Variants in EDIL3 observed in about 807,000 individuals in gnomAD.
The protein encoded by EDIL3 is EGF like and discoidin domains 3.
EDIL3 carries 37 observed loss-of-function variants against 67.4 expected under a neutral mutation model. The observed-to-expected ratio is 0.55, with a 90% CI of 0.42 to 0.72. The LOEUF (loss-of-function observed/expected upper bound fraction) is 0.72, where lower values mean the gene tolerates loss of function less well. EDIL3 is among the 30% of genes least tolerant of loss of function. The probability of loss-of-function intolerance (pLI) is 0.00; values close to 1 mark genes in which losing one functional copy is unlikely to be tolerated. For synonymous variants in EDIL3, 195 were observed against 196.3 expected, an observed-to-expected ratio of 0.99 and a Z score of 0.05; for missense variants, 527 against 586.3, an observed-to-expected ratio of 0.90 and a Z score of 1.04.
intron 10 of EDIL3, among the ~76,000 whole-genome samples, chr5:83,961,586 G>A (rs575280400): frequency 3.3e-5 from 5 of 151,008 alleles, no homozygotes; most frequent in East Asian, 3.9e-4. Flanking sequence ...TATAATAGAC[G>A]TGCTGTTTAC....
At chr5:84,283,920 T>C (rs958935022) in intron 1 of EDIL3, among the ~76,000 whole-genome samples, 2 of 152,044 alleles carry the variant, frequency 1.3e-5, no homozygotes, top group Non-Finnish European at 2.9e-5. Flanking sequence ...CATCCAGCTG[T>C]ACAGGACCAG....
intron 2 of EDIL3, among the ~76,000 whole-genome samples, chr5:84,231,671 G>T (rs1049079564): frequency 3.3e-5 from 5 of 152,152 alleles, no homozygotes; most frequent in Non-Finnish European, 7.4e-5. Context: ...TAAAGAAATG[G>T]AGAGAGCAAA....
intron 1 of EDIL3, among the ~76,000 whole-genome samples, chr5:84,358,643 A>G (rs2055382): frequency 0.45 from 58,998 of 130,130 alleles, 12,925 homozygotes; most frequent in Middle Eastern, 0.58. Context: ...TTGCTCTATC[A>G]CCCAGGCTGG....
intron 9 of EDIL3, among the ~76,000 whole-genome samples, chr5:84,059,514 G>C (rs899622309): frequency 5.9e-5 from 9 of 152,066 alleles, no homozygotes; most frequent in Non-Finnish European, 1.3e-4. Flanking sequence ...TGATAGGGGT[G>C]GAATTTGCTA....
chr5:83,946,466 C>T (rs1744311758), intron 10 of EDIL3, among the ~76,000 whole-genome samples: 1 of 151,852 alleles, frequency 6.6e-6, no homozygotes, highest in Non-Finnish European at 1.5e-5. Context: ...AAATACAACT[C>T]CCTCAATGTA....
chr5:84,325,143 AT>A (rs957200685), intron 1 of EDIL3, among the ~76,000 whole-genome samples: 6 of 151,922 alleles, frequency 3.9e-5, no homozygotes, highest in African/African-American at 1.4e-4. Flanking sequence ...GAACTACATG[AT>A]TTTTTTTAAT....
intron 9 of EDIL3, among the ~76,000 whole-genome samples, chr5:84,030,798 C>T (rs758090695): frequency 3.9e-5 from 6 of 152,120 alleles, no homozygotes; most frequent in African/African-American, 4.8e-5. Flanking sequence ...CAACCTTGAC[C>T]GTTTTCAGAT....
chr5:84,050,465 T>A (rs911886945), intron 9 of EDIL3, among the ~76,000 whole-genome samples: 3 of 152,106 alleles, frequency 2.0e-5, no homozygotes, highest in African/African-American at 4.8e-5. Context: ...AGACAGTGGG[T>A]ACAGGACAGT....
chr5:83,982,406 T>C (rs1744985567), intron 9 of EDIL3, among the ~76,000 whole-genome samples: 2 of 152,116 alleles, frequency 1.3e-5, no homozygotes, highest in South Asian at 4.1e-4. Flanking sequence ...AATAGCCTCT[T>C]TCTATTTCCT....
chr5:84,074,703 G>A (rs1486728955), intron 6 of EDIL3, among the ~76,000 whole-genome samples: 5 of 151,878 alleles, frequency 3.3e-5, no homozygotes, highest in Admixed American at 2.0e-4. Context: ...GAAACAACAG[G>A]TGCTGGAGAG....
At chr5:83,987,422 A>G (rs1332204677) in intron 9 of EDIL3, among the ~76,000 whole-genome samples, 1 of 152,172 alleles carries the variant, frequency 6.6e-6, no homozygotes, top group African/African-American at 2.4e-5. Flanking sequence ...ACTACCAAAT[A>G]GTGTTCTATC....
At chr5:83,994,108 T>C (rs1235597782) in intron 9 of EDIL3, among the ~76,000 whole-genome samples, 1 of 152,182 alleles carries the variant, frequency 6.6e-6, no homozygotes, top group Non-Finnish European at 1.5e-5. Context: ...ATTGTTTATA[T>C]TTCTCCATTG....
chr5:84,178,523 G>A (rs1748959699), intron 4 of EDIL3, among the ~76,000 whole-genome samples: 1 of 152,102 alleles, frequency 6.6e-6, no homozygotes, highest in African/African-American at 2.4e-5. Context: ...TCTATAAAGA[G>A]GACAGCTTGC....
intron 3 of EDIL3, among the ~76,000 whole-genome samples, chr5:84,206,353 T>A (rs1222071213): frequency 6.6e-6 from 1 of 152,042 alleles, no homozygotes; most frequent in Non-Finnish European, 1.5e-5. Flanking sequence ...AATTTTGGAA[T>A]AGGTGTGGTG....
At chr5:83,947,815 T>C (rs1404875047) in intron 10 of EDIL3, among the ~76,000 whole-genome samples, 1 of 151,918 alleles carries the variant, frequency 6.6e-6, no homozygotes, top group Admixed American at 6.6e-5. Flanking sequence ...AAAAGAACTT[T>C]TGACATACTT....
intron 3 of EDIL3, among the ~76,000 whole-genome samples, chr5:84,212,499 T>C (rs1384293044): frequency 2.0e-5 from 3 of 152,210 alleles, no homozygotes; most frequent in African/African-American, 7.2e-5. Context: ...TTCTGGGATC[T>C]CACAGAGAAT....
chr5:84,241,106 C>T (rs1175019009), intron 2 of EDIL3, among the ~76,000 whole-genome samples: 2 of 152,126 alleles, frequency 1.3e-5, no homozygotes, highest in Non-Finnish European at 2.9e-5. Context: ...CACTTTGTTC[C>T]CCTCTTATGA....
At chr5:84,263,312 C>A (rs932149124) in intron 1 of EDIL3, among the ~76,000 whole-genome samples, 1 of 152,088 alleles carries the variant, frequency 6.6e-6, no homozygotes, top group African/African-American at 2.4e-5. Flanking sequence ...TAGCTAAGGG[C>A]CAAGAAGTAC....
chr5:84,068,636 C>T (rs1462091063), intron 6 of EDIL3, among the ~76,000 whole-genome samples: 15 of 152,062 alleles, frequency 9.9e-5, no homozygotes, highest in Admixed American at 9.8e-4. Context: ...TGGGTTGTGT[C>T]TAACTTTTAG....
Sources: allele counts gnomAD v4.1 joint callset (sites outside exome capture counted in the v4.1 genomes callset), GRCh38; gene constraint gnomAD v4.1.1; transcripts MANE v1.5; gene names NCBI Gene and HGNC (gene_info 2026-07-23, HGNC 2026-07-21).